The following CPXM2 variants were observed in gnomAD, a reference collection of about 807,000 sequenced individuals.
CPXM2 encodes the protein carboxypeptidase X, M14 family member 2.
Under a neutral mutation model 86.1 loss-of-function variants are expected in CPXM2, and 66 were observed. That is an observed-to-expected ratio of 0.77 (90% CI 0.63 to 0.94). The LOEUF is 0.94. CPXM2 is among the 40% of genes least tolerant of loss of function. The probability of loss-of-function intolerance (pLI) is 0.00; values close to 1 mark genes in which losing one functional copy is unlikely to be tolerated. For missense variants in CPXM2, 948 were observed against 1,026.3 expected (o/e 0.92, Z 1.04); for synonymous variants, 388 against 400.2 (o/e 0.97, Z 0.36).
Position 123,880,095 on chromosome 10 carries a change from G to A in CPXM2, c.403+116C>T, listed in dbSNP as rs932824056. ...GATCGGAATAGACAGCAGGCCCCAG[G>A]CAGCCCCACACTCGGGAATCTGTAG... On this transcript the variant is annotated intron_variant, in intron 2 of 13. Coordinates refer to ENST00000241305, the MANE Select transcript of CPXM2 (RefSeq NM_198148.3). 4.7e-5 allele frequency: 30 copies of A among 642,172 alleles called. No homozygotes were observed. The South Asian group carries it at 5.2e-4, about 11-fold the overall frequency. The allele number at this position is 642,172 out of a possible 1,614,324, so 39.8% of individuals were successfully genotyped here.
intron 1 of CPXM2, among the ~76,000 whole-genome samples, chr10:123,881,691 G>A (rs546658874): frequency 1.3e-5 from 2 of 152,318 alleles, no homozygotes; most frequent in African/African-American, 4.8e-5. Context: ...GCAGGTGTGA[G>A]CTGCCTGAAG....
chr10:123,764,610 C>A, intron 10 of CPXM2, among the ~76,000 whole-genome samples: 1 of 152,114 alleles, frequency 6.6e-6, no homozygotes, highest in East Asian at 1.9e-4. Context: ...CCTCAGCCTC[C>A]CAAGTAGTTG....
Position 123,754,120 on chromosome 10 carries a change from A to C in CPXM2, c.2017+543T>G, listed in dbSNP as rs765739843. ...ACAGACACCTGAGTCTTCCTAAGACATCACGCTCAGTGATTTCCTGTGCTT... is the reference window on the plus strand; with the variant it reads ...ACAGACACCTGAGTCTTCCTAAGACCTCACGCTCAGTGATTTCCTGTGCTT... On this transcript the variant is annotated intron_variant, in intron 13 of 13. Transcript: ENST00000241305. The surrounding 1 kb of genome is among the most constrained non-coding windows in gnomAD (Gnocchi z 4.0). 6.6e-6 allele frequency among the ~76,000 whole-genome samples: 1 copy of C among 152,212 alleles called. No homozygotes were observed. The highest frequency in any genetic ancestry group is 1.5e-5 in the Non-Finnish European group (1 of 68,048).
chr10:123,921,353 A>G (rs1056479905), intron 2 of CPXM2, among the ~76,000 whole-genome samples: 15 of 152,250 alleles, frequency 9.9e-5, no homozygotes, highest in African/African-American at 3.4e-4. Flanking sequence ...GACAGTTCTT[A>G]AAGTTCTTAA....
intron 2 of CPXM2, chr10:123,914,163 A>G: frequency 2.2e-6 from 1 of 445,550 alleles, no homozygotes; most frequent in Admixed American, 2.4e-5. Flanking sequence ...AGGTCAAAAC[A>G]GCTCTTGCCA....
intron 4 of CPXM2, among the ~76,000 whole-genome samples, chr10:123,827,697 T>C (rs1848077138): frequency 6.6e-6 from 1 of 152,210 alleles, no homozygotes; most frequent in African/African-American, 2.4e-5. Context: ...GATGTTTTTG[T>C]AGCTATAAAC....
At chr10:123,783,349 A>G (rs1846977324) in intron 6 of CPXM2, among the ~76,000 whole-genome samples, 1 of 152,124 alleles carries the variant, frequency 6.6e-6, no homozygotes, top group South Asian at 2.1e-4. Flanking sequence ...CTGGATTGGG[A>G]CCCCTTTCCG....
At chr10:123,758,604 GACATT>G in intron 11 of CPXM2, among the ~76,000 whole-genome samples, 1 of 152,182 alleles carries the variant, frequency 6.6e-6, no homozygotes, top group Non-Finnish European at 1.5e-5. Flanking sequence ...CTAGAAAGCA[GACATT>G]ATCTTCTGGG....
chr10:123,908,856 A>G (rs1443278933), intron 2 of CPXM2, among the ~76,000 whole-genome samples: 1 of 152,178 alleles, frequency 6.6e-6, no homozygotes, highest in Non-Finnish European at 1.5e-5. Context: ...TGTACAATCT[A>G]TAAATCAGCA....
At chr10:123,939,241 T>C (rs1945751385) in intron 2 of CPXM2, among the ~76,000 whole-genome samples, 2 of 152,178 alleles carry the variant, frequency 1.3e-5, no homozygotes, top group Admixed American at 1.3e-4. Context: ...GTTTTCTACC[T>C]GGGCCTGCTT....
rs773389892 is a variant in CPXM2 at position 123,798,065 on chromosome 10, A to G, written c.800T>C (p.Val267Ala). ...AGGGTTTATGCGGATGTAGCGGGCC[A>G]CCATGGGGACGGGTAGCTCATTGAG... ...PVLNELPVPMVARYIRINPQS... is the reference protein window; with the variant it reads ...PVLNELPVPMAARYIRINPQS... The change falls in exon 6 of 14, where the codon GTG (valine) becomes GCG (alanine). Residue 267 changes from valine (V) to alanine (A), a missense_variant. Coordinates refer to ENST00000241305, the MANE Select transcript of CPXM2 (RefSeq NM_198148.3). The G allele has an allele frequency of 6.2e-7, 1 of 1,611,956 alleles. No individual in the cohort carries two copies. The highest frequency in any genetic ancestry group is 8.5e-7 in the Non-Finnish European group (1 of 1,178,994).
chr10:123,774,627 C>T (rs1328717224), intron 7 of CPXM2, among the ~76,000 whole-genome samples: 1 of 152,148 alleles, frequency 6.6e-6, no homozygotes, highest in African/African-American at 2.4e-5. Flanking sequence ...GTGACAGGTG[C>T]AGCCTTGACT....
intron 6 of CPXM2, among the ~76,000 whole-genome samples, chr10:123,790,170 GT>G (rs745952272): frequency 2.6e-5 from 4 of 152,188 alleles, no homozygotes; most frequent in Non-Finnish European, 5.9e-5. Context: ...GCGAGCCGGA[GT>G]GGCGGGAAAG....
At chr10:123,831,077 T>A (rs1327746195) in intron 4 of CPXM2, among the ~76,000 whole-genome samples, 2 of 152,140 alleles carry the variant, frequency 1.3e-5, no homozygotes, top group Non-Finnish European at 2.9e-5. Context: ...CAGGAGGAAA[T>A]GCTGTAAACT....
chr10:123,857,553 G>GGCGTGGAGATGGAAGGCA (rs1848753886), intron 3 of CPXM2, among the ~76,000 whole-genome samples: 1 of 127,980 alleles, frequency 7.8e-6, no homozygotes, highest in Non-Finnish European at 1.7e-5. Flanking sequence ...GATGGAAGGC[G>GGCGTGGAGATGGAAGGCA]GCGTGGAGAT....
intron 4 of CPXM2, among the ~76,000 whole-genome samples, chr10:123,834,908 T>C (rs2134139358): frequency 6.6e-6 from 1 of 152,198 alleles, no homozygotes; most frequent in Non-Finnish European, 1.5e-5. Flanking sequence ...CCCTCTCTCT[T>C]GCCTCCCCTC....
At chr10:123,835,968 C>T (rs184075855) in intron 4 of CPXM2, among the ~76,000 whole-genome samples, 74 of 152,272 alleles carry the variant, frequency 4.9e-4, no homozygotes, top group African/African-American at 1.7e-3. Context: ...TGGGGAGGCT[C>T]GGGCTCCCCG....
chr10:123,784,145 G>T (rs1051617063), intron 6 of CPXM2, among the ~76,000 whole-genome samples: 2 of 152,194 alleles, frequency 1.3e-5, no homozygotes, highest in Non-Finnish European at 2.9e-5. Flanking sequence ...GTCATTAAGT[G>T]AGTCCTCATC....
At chr10:123,810,771 T>C (rs1252630469) in intron 4 of CPXM2, among the ~76,000 whole-genome samples, 3 of 152,104 alleles carry the variant, frequency 2.0e-5, no homozygotes, top group African/African-American at 4.8e-5. Flanking sequence ...AAAATCTCAA[T>C]TGCATTTTCA....
Sources: allele counts gnomAD v4.1 joint callset (sites outside exome capture counted in the v4.1 genomes callset), GRCh38; gene constraint gnomAD v4.1.1; non-coding constraint Gnocchi (gnomAD v3.1); transcripts MANE v1.5; gene names NCBI Gene and HGNC (gene_info 2026-07-23, HGNC 2026-07-21).